The following CDH23 variants were observed in gnomAD, a reference collection of about 807,000 sequenced individuals.
CDH23 encodes the protein cadherin related 23.
CDH23 carries 189 observed loss-of-function variants against 317.1 expected under a neutral mutation model. The ratio of observed to expected loss-of-function variants is 0.60; its 90% CI spans 0.53 to 0.67. The LOEUF (loss-of-function observed/expected upper bound fraction) is 0.67, where lower values mean the gene tolerates loss of function less well. CDH23 is among the 30% of genes least tolerant of loss of function. CDH23 has a pLI of 0.00. For missense variants in CDH23, 4,401 were observed against 4,592.4 expected (o/e 0.96, Z 1.20); for synonymous variants, 1,839 against 1,876.8 (o/e 0.98, Z 0.52).
chr10:71,639,141 T>G (rs563425130), intron 11 of CDH23, among the ~76,000 whole-genome samples: 1 of 152,344 alleles, frequency 6.6e-6, no homozygotes, highest in South Asian at 2.1e-4. Context: ...GGGCTCTGGC[T>G]CCGGGACCCG....
intron 3 of CDH23, among the ~76,000 whole-genome samples, chr10:71,485,528 G>A (rs1238080624): frequency 6.6e-6 from 1 of 152,234 alleles, no homozygotes. Flanking sequence ...CTCTTTGTTT[G>A]AGAGGATATT....
At chr10:71,794,405 A>G (rs1266715686) in intron 48 of CDH23, 3 of 152,258 alleles carry the variant, frequency 2.0e-5, no homozygotes, top group African/African-American at 4.8e-5. Context: ...CATGCGATCA[A>G]TGATTTTCTT....
At chr10:71,640,682 AGG>A (rs1862501522) in intron 11 of CDH23, among the ~76,000 whole-genome samples, 1 of 152,146 alleles carries the variant, frequency 6.6e-6, no homozygotes, top group African/African-American at 2.4e-5. Context: ...GGGACTCGGG[AGG>A]CAGAGGTTGC....
chr10:71,397,137 C>T lies in CDH23; in HGVS notation c.-187C>T. ...CGCGCCTGAAGTTGCGAGCGGCGAG[C>T]GGCGAGCGGCGAGCGGCCCGCGGAG... On this transcript the variant is annotated 5_prime_UTR_variant, in exon 1 of 70. Coordinates refer to ENST00000224721, the MANE Select transcript of CDH23 (RefSeq NM_022124.6). This position sits in a 1 kb window ranked among gnomAD's most constrained non-coding sequence, Gnocchi z 4.8. 4 of 181,024 alleles carry T rather than the reference C, an allele frequency of 2.2e-5. No individual in the cohort carries two copies. The highest frequency in any genetic ancestry group is 8.8e-5 in the South Asian group (1 of 11,392). The allele number at this position is 181,024 out of a possible 1,614,324, so 11.2% of individuals were successfully genotyped here.
At chr10:71,444,487 G>A (rs1441925144) in intron 2 of CDH23, among the ~76,000 whole-genome samples, 1 of 152,214 alleles carries the variant, frequency 6.6e-6, no homozygotes, top group Non-Finnish European at 1.5e-5. Flanking sequence ...GGTCAGGGAG[G>A]GCTTCCTGGA....
chr10:71,741,919 T>C lies in CDH23; in HGVS notation c.4843T>C (p.Ser1615Pro), dbSNP rs1325238160. 2 of 1,589,132 alleles carry C rather than the reference T, an allele frequency of 1.3e-6. No individual in the cohort carries two copies. Among genetic ancestry groups the C allele is most frequent in the Admixed American group, 1.7e-5 (1 of 57,236 alleles). The change falls in exon 38 of 70, where the codon TCG becomes CCG. Residue 1615 changes from serine (S) to proline (P), a missense_variant and splice_region_variant. Ser to Pro is a moderately conservative substitution (Grantham distance 74). This residue lies in a region of CDH23 where 3,068 missense variants were observed against 3,203.3 expected (regional missense o/e 0.96). Transcript: ENST00000224721. The stretch of plus-strand genomic sequence containing the variant: ...GGAGGACGAGGGCACCCCAACCCTG[T>C]CGGTGAGCGATGGGGGTGGCCACAG... ...TVEDEGTPTLSATTHVYVTIV... is the reference protein window; with the variant it reads ...TVEDEGTPTLPATTHVYVTIV...
At chr10:71,769,087 G>A (rs970511540) in intron 38 of CDH23, among the ~76,000 whole-genome samples, 6 of 152,174 alleles carry the variant, frequency 3.9e-5, no homozygotes, top group African/African-American at 1.4e-4. Context: ...GCCTGGCCAC[G>A]TCTACCACAT....
In CDH23 at chr10:71,612,556, C is replaced by G. The variant is rs528726491; in HGVS notation, c.833-2948C>G. Among the ~76,000 whole-genome samples, 155 of 152,200 alleles carry G rather than the reference C, an allele frequency of 1.0e-3. 1 individual carries two copies. The highest frequency in any genetic ancestry group is 3.7e-3 in the African/African-American group (153 of 41,522). On this transcript the variant is annotated intron_variant, in intron 9 of 69. Transcript: ENST00000224721. ...AATCTCACAAAGATAAAAATTGAAT[C>G]ACATTTAGCTAAACATTTGATAGGC...
intron 3 of CDH23, among the ~76,000 whole-genome samples, chr10:71,505,987 G>T (rs1313474799): frequency 1.3e-5 from 2 of 152,176 alleles, no homozygotes; most frequent in Non-Finnish European, 2.9e-5. Flanking sequence ...AACATAAATA[G>T]CTGTCAACTG....
chr10:71,727,007 C>T (rs972268518), intron 30 of CDH23, among the ~76,000 whole-genome samples: 1 of 152,192 alleles, frequency 6.6e-6, no homozygotes, highest in African/African-American at 2.4e-5. Context: ...GGGTGGGGCT[C>T]CCAGAGCCAC....
chr10:71,472,431 G>T (rs545844794), intron 3 of CDH23, among the ~76,000 whole-genome samples: 1 of 152,184 alleles, frequency 6.6e-6, no homozygotes, highest in African/African-American at 2.4e-5. Flanking sequence ...CCGTGTGACC[G>T]ATTCCCCACG....
At chr10:71,561,947 TC>T (rs1857152511) in intron 6 of CDH23, among the ~76,000 whole-genome samples, 3 of 151,962 alleles carry the variant, frequency 2.0e-5, no homozygotes, top group African/African-American at 7.3e-5. Context: ...ATGGGGTCTT[TC>T]TTCCAAAGAC....
At chr10:71,712,425 A>G (rs1243583604) in intron 27 of CDH23, 3 of 488,030 alleles carry the variant, frequency 6.1e-6, no homozygotes, top group Non-Finnish European at 1.1e-5. Context: ...TGTCTGCTTC[A>G]TGGGGTTGCT....
intron 3 of CDH23, among the ~76,000 whole-genome samples, chr10:71,478,494 T>C (rs1209409185): frequency 2.6e-5 from 4 of 152,244 alleles, no homozygotes; most frequent in Non-Finnish European, 5.9e-5. Context: ...GTTGTCCCCC[T>C]CGGTTCTCCT....
chr10:71,477,658 C>T (rs1851864383), intron 3 of CDH23, among the ~76,000 whole-genome samples: 1 of 152,308 alleles, frequency 6.6e-6, no homozygotes, highest in Middle Eastern at 3.4e-3. Context: ...GCATCTTACT[C>T]GAGACATCTG....
chr10:71,726,838 AC>A (rs1435776606), intron 30 of CDH23, among the ~76,000 whole-genome samples: 2 of 152,124 alleles, frequency 1.3e-5, no homozygotes, highest in Non-Finnish European at 2.9e-5. Context: ...CCGCTCCCTC[AC>A]CCAGGCGTGG....
At chr10:71,446,719 T>A (rs977531759) in intron 3 of CDH23, among the ~76,000 whole-genome samples, 1 of 152,242 alleles carries the variant, frequency 6.6e-6, no homozygotes, top group African/African-American at 2.4e-5. Context: ...TTGTGGCCTT[T>A]TGTAATTTTC....
chr10:71,626,425 T>C (rs1283167311), intron 11 of CDH23, among the ~76,000 whole-genome samples: 1 of 152,164 alleles, frequency 6.6e-6, no homozygotes, highest in African/African-American at 2.4e-5. Flanking sequence ...ACAAGACCCG[T>C]GGCTCCATGT....
At chr10:71,470,272 GGTAAAATATACATAAT>G (rs987375669) in intron 3 of CDH23, among the ~76,000 whole-genome samples, 21 of 152,066 alleles carry the variant, frequency 1.4e-4, no homozygotes, top group African/African-American at 5.1e-4. Flanking sequence ...TTTTTATTGT[GGTAAAATATACATAAT>G]GTAAAATTTA....
Sources: gnomAD v4.1 joint callset for allele counts (sites outside exome capture counted in the v4.1 genomes callset) on GRCh38, gnomAD v4.1.1 for gene constraint, gnomAD v4.1.1 regional missense constraint, Gnocchi (gnomAD v3.1) non-coding constraint, MANE v1.5 for transcripts, NCBI Gene and HGNC (gene_info 2026-07-23, HGNC 2026-07-21) for gene names.